Variants in IL1RAPL2 observed in about 807,000 individuals in gnomAD.
IL1RAPL2 encodes the protein interleukin 1 receptor accessory protein like 2, also known as X-linked interleukin-1 receptor accessory protein-like 2.
In IL1RAPL2, 3 loss-of-function variants were observed where a neutral mutation model predicts 44.1. The observed-to-expected ratio is 0.07, with a 90% CI of 0.03 to 0.18. The LOEUF (loss-of-function observed/expected upper bound fraction) is 0.18, where lower values mean the gene tolerates loss of function less well. IL1RAPL2 is among the 10% of genes least tolerant of loss of function. IL1RAPL2 has a pLI of 1.00. For synonymous variants in IL1RAPL2, 181 were observed against 178.8 expected, an observed-to-expected ratio of 1.01 and a Z score of -0.10; for missense variants, 391 against 496.4, an observed-to-expected ratio of 0.79 and a Z score of 2.02.
At chrX:104,850,044 TA>T (rs886130078) in intron 2 of IL1RAPL2, among the ~76,000 whole-genome samples, 6 of 111,554 alleles carry the variant, frequency 5.4e-5, no homozygotes, top group African/African-American at 1.9e-4. Flanking sequence ...TAAAACATGA[TA>T]ATACAAACTT....
intron 5 of IL1RAPL2, among the ~76,000 whole-genome samples, chrX:105,299,035 T>C (rs1420288273): frequency 2.7e-5 from 3 of 111,621 alleles, no homozygotes; most frequent in African/African-American, 9.8e-5. Context: ...GAATCTATAA[T>C]GAGAAATTTT....
intron 2 of IL1RAPL2, among the ~76,000 whole-genome samples, chrX:104,864,305 T>G (rs1922561760): frequency 8.9e-6 from 1 of 112,296 alleles, no homozygotes. Flanking sequence ...GAACAATTAT[T>G]AGGTATCACA....
intron 2 of IL1RAPL2, among the ~76,000 whole-genome samples, chrX:105,115,291 C>T (rs1389993008): frequency 2.7e-5 from 3 of 111,516 alleles, no homozygotes; most frequent in African/African-American, 6.5e-5. Context: ...TTGAAAAGAG[C>T]GAAGGAACAA....
chrX:105,102,837 G>C (rs1342187934), intron 2 of IL1RAPL2, among the ~76,000 whole-genome samples: 1 of 111,165 alleles, frequency 9.0e-6, no homozygotes, highest in Non-Finnish European at 1.9e-5. Context: ...AAATGTGGTT[G>C]GATTCCACAT....
intron 1 of IL1RAPL2, among the ~76,000 whole-genome samples, chrX:104,649,440 A>T (rs952605982): frequency 1.4e-4 from 16 of 111,470 alleles, no homozygotes; most frequent in African/African-American, 4.2e-4. Flanking sequence ...AGTTAACATT[A>T]TTGCATCTCT....
chrX:104,572,204 A>T (rs769072612), intron 1 of IL1RAPL2, among the ~76,000 whole-genome samples: 3 of 111,758 alleles, frequency 2.7e-5, no homozygotes, highest in Non-Finnish European at 5.6e-5. Flanking sequence ...CAAAGCTATT[A>T]TTGCTCTGGG....
At chrX:105,636,980 T>A (rs1379845044) in intron 6 of IL1RAPL2, among the ~76,000 whole-genome samples, 2 of 110,996 alleles carry the variant, frequency 1.8e-5, no homozygotes, top group Non-Finnish European at 1.9e-5. Flanking sequence ...GCCAAAAGTC[T>A]TAGGTGGGGG....
intron 2 of IL1RAPL2, among the ~76,000 whole-genome samples, chrX:104,840,602 C>T (rs746446454): frequency 5.4e-5 from 6 of 110,835 alleles, no homozygotes; most frequent in Non-Finnish European, 1.1e-4. Context: ...CACCTGAGTT[C>T]AAGTACTGAA....
chrX:105,175,590 G>T (rs1428754581), intron 2 of IL1RAPL2, among the ~76,000 whole-genome samples: 1 of 110,761 alleles, frequency 9.0e-6, no homozygotes, highest in Non-Finnish European at 1.9e-5. Flanking sequence ...TAATGATAAC[G>T]TTAACTAGGT....
At chrX:105,329,144 A>T (rs2147692813) in intron 5 of IL1RAPL2, among the ~76,000 whole-genome samples, 3 of 112,432 alleles carry the variant, frequency 2.7e-5, no homozygotes, top group South Asian at 3.7e-4. Flanking sequence ...TTCATTAATC[A>T]ACAGAACTGA....
intron 6 of IL1RAPL2, among the ~76,000 whole-genome samples, chrX:105,655,855 T>C (rs1181216946): frequency 8.9e-6 from 1 of 111,940 alleles, no homozygotes; most frequent in Non-Finnish European, 1.9e-5. Flanking sequence ...ATAGGAGGTA[T>C]GTATATTTAT....
intron 2 of IL1RAPL2, among the ~76,000 whole-genome samples, chrX:104,983,742 A>G (rs1330687647): frequency 9.7e-6 from 1 of 103,537 alleles, no homozygotes; most frequent in African/African-American, 3.5e-5. Flanking sequence ...ATATATATAT[A>G]TAAATATTTG....
At chrX:105,294,263 T>A (rs979895223) in intron 5 of IL1RAPL2, among the ~76,000 whole-genome samples, 3 of 112,413 alleles carry the variant, frequency 2.7e-5, no homozygotes, top group Non-Finnish European at 3.8e-5. Context: ...AATGGGAGTG[T>A]ATTAGAGTTA....
At chrX:105,223,287 C>T (rs1008142927) in intron 3 of IL1RAPL2, among the ~76,000 whole-genome samples, 2 of 111,564 alleles carry the variant, frequency 1.8e-5, no homozygotes, top group Admixed American at 9.5e-5. Context: ...TTTACAGCAG[C>T]GGTTGAAATA....
At chrX:105,135,588 T>G (rs2033069756) in intron 2 of IL1RAPL2, among the ~76,000 whole-genome samples, 1 of 111,760 alleles carries the variant, frequency 8.9e-6, no homozygotes, top group Non-Finnish European at 1.9e-5. Flanking sequence ...GTAAGGTCCT[T>G]GAGAATGTGA....
chrX:105,588,083 A>G, intron 6 of IL1RAPL2, among the ~76,000 whole-genome samples: 2 of 111,430 alleles, frequency 1.8e-5, no homozygotes, highest in Non-Finnish European at 3.8e-5. Flanking sequence ...TTCCATATAT[A>G]TGGATGATGT....
chrX:104,985,723 G>T (rs1389057316), intron 2 of IL1RAPL2, among the ~76,000 whole-genome samples: 1 of 111,813 alleles, frequency 8.9e-6, no homozygotes, highest in Non-Finnish European at 1.9e-5. Flanking sequence ...GTGATAAAAA[G>T]ACAAGTAATA....
chrX:104,636,332 C>CAGCT (rs1183760077), intron 1 of IL1RAPL2, among the ~76,000 whole-genome samples: 1 of 112,178 alleles, frequency 8.9e-6, no homozygotes, highest in African/African-American at 3.2e-5. Flanking sequence ...CTTAGATCTC[C>CAGCT]AGCTGCGTGC....
intron 3 of IL1RAPL2, among the ~76,000 whole-genome samples, chrX:105,217,542 C>T (rs183275072): frequency 4.9e-4 from 55 of 111,964 alleles, no homozygotes; most frequent in African/African-American, 1.8e-3. Context: ...GTCAGTGTGG[C>T]GATTCCTCAG....
Sources: gnomAD v4.1 joint callset for allele counts (sites outside exome capture counted in the v4.1 genomes callset) on GRCh38, gnomAD v4.1.1 for gene constraint, MANE v1.5 for transcripts, NCBI Gene and HGNC (gene_info 2026-07-23, HGNC 2026-07-21) for gene names.